The following KLHL1 variants were observed in gnomAD, a reference collection of about 807,000 sequenced individuals.
KLHL1 encodes kelch like family member 1.
In KLHL1, 47 loss-of-function variants were observed where a neutral mutation model predicts 77.7. That is an observed-to-expected ratio of 0.60 (90% CI 0.48 to 0.77). KLHL1 has a LOEUF of 0.77. KLHL1 is among the 30% of genes least tolerant of loss of function. The pLI is 0.00. For missense variants in KLHL1, 925 were observed against 910.8 expected (o/e 1.02, Z -0.20); for synonymous variants, 360 against 325.2 (o/e 1.11, Z -1.15).
Position 69,719,554 on chromosome 13 carries a change from T to G in KLHL1, c.1830A>C (p.Gly610=). ...GKLYSVGGRD[G]SSCLSSMEYY... is the part of the protein sequence containing the mutation. ...ATTCCATTGAACTCAAACAGGAACT[T>G]CCATCACGACCTCCAACTGAATACA... is the stretch of plus-strand genomic sequence containing the variant. The change falls in exon 9 of 11, where the codon GGA becomes GGC. Residue 610 remains glycine, a synonymous_variant. Transcript: ENST00000377844. 6.2e-7 allele frequency: 1 copy of G among 1,613,000 alleles called. No homozygotes were observed. The highest frequency in any genetic ancestry group is 1.1e-5 in the South Asian group (1 of 91,062).
In KLHL1 at chr13:69,707,727, G is replaced by C. The variant is rs377213465; in HGVS notation, c.2085C>G (p.Val695=). The C allele has an allele frequency of 3.1e-6, 5 of 1,612,932 alleles. No homozygotes were observed. The African/African-American group carries it at 6.7e-5, about 22-fold the overall frequency. ...CATATAATCTGTCACCAAGGAGACAGACCCCAACAGCATCTCTGGGCATAC... is the reference window on the plus strand; with the variant it reads ...CATATAATCTGTCACCAAGGAGACACACCCCAACAGCATCTCTGGGCATAC... ...PLSMPRDAVG[V]CLLGDRLYAV... The change falls in exon 10 of 11, where the codon GTC becomes GTG. Residue 695 remains valine (V), a synonymous_variant. Coordinates refer to ENST00000377844, the MANE Select transcript of KLHL1 (RefSeq NM_020866.3).
intron 7 of KLHL1, among the ~76,000 whole-genome samples, chr13:69,783,736 AC>A (rs1194783500): frequency 7.6e-6 from 1 of 130,922 alleles, no homozygotes; most frequent in Non-Finnish European, 1.7e-5. Flanking sequence ...GGACAATGGA[AC>A]CAAGTTGGAA....
chr13:69,993,821 G>C (rs1416662691), intron 1 of KLHL1, among the ~76,000 whole-genome samples: 1 of 152,050 alleles, frequency 6.6e-6, no homozygotes, highest in Non-Finnish European at 1.5e-5. Context: ...TTTCCAATTT[G>C]AGTGTTTGGT....
intron 8 of KLHL1, among the ~76,000 whole-genome samples, chr13:69,725,836 C>G (rs1326785654): frequency 6.6e-6 from 1 of 152,132 alleles, no homozygotes; most frequent in Non-Finnish European, 1.5e-5. Flanking sequence ...GATTGACAAG[C>G]TTTCTCATGG....
chr13:69,740,802 T>A (rs1278035340), intron 7 of KLHL1, among the ~76,000 whole-genome samples: 2 of 152,198 alleles, frequency 1.3e-5, no homozygotes, highest in Non-Finnish European at 2.9e-5. Flanking sequence ...AGAAACTACC[T>A]ACCATTAATT....
intron 6 of KLHL1, among the ~76,000 whole-genome samples, chr13:69,808,697 TC>T (rs956861416): frequency 4.6e-5 from 7 of 152,034 alleles, no homozygotes; most frequent in Admixed American, 4.6e-4. Context: ...TTCAGTAGCT[TC>T]CAAGCAATGG....
chr13:70,020,298 G>C (rs1196558345), intron 1 of KLHL1, among the ~76,000 whole-genome samples: 1 of 152,012 alleles, frequency 6.6e-6, no homozygotes, highest in Non-Finnish European at 1.5e-5. Flanking sequence ...TTTCCAGAAT[G>C]GTTCACTAGC....
intron 4 of KLHL1, among the ~76,000 whole-genome samples, chr13:69,892,714 C>T (rs187806101): frequency 2.6e-5 from 4 of 152,062 alleles, no homozygotes; most frequent in Non-Finnish European, 4.4e-5. Context: ...TTCGGGAAAG[C>T]CTGTTATATG....
At chr13:69,835,968 A>T (rs1878971805) in intron 6 of KLHL1, among the ~76,000 whole-genome samples, 1 of 152,108 alleles carries the variant, frequency 6.6e-6, no homozygotes, top group African/African-American at 2.4e-5. Context: ...GTATCAGACA[A>T]ACTGTTCCCA....
chr13:69,875,502 T>C (rs1329260826), intron 5 of KLHL1, among the ~76,000 whole-genome samples: 2 of 152,166 alleles, frequency 1.3e-5, no homozygotes, highest in African/African-American at 2.4e-5. Flanking sequence ...ACACTTAATA[T>C]ATTGTAACGA....
At chr13:69,834,910 T>C (rs1878924089) in intron 6 of KLHL1, among the ~76,000 whole-genome samples, 1 of 152,140 alleles carries the variant, frequency 6.6e-6, no homozygotes, top group Admixed American at 6.6e-5. Flanking sequence ...TGTTAATGAA[T>C]GGTCATTTAC....
At chr13:69,765,269 T>C (rs1026160442) in intron 7 of KLHL1, among the ~76,000 whole-genome samples, 3 of 152,070 alleles carry the variant, frequency 2.0e-5, no homozygotes, top group African/African-American at 4.8e-5. Flanking sequence ...GCATGTTTTA[T>C]AGTGATGGTA....
chr13:69,836,149 C>A, intron 6 of KLHL1, among the ~76,000 whole-genome samples: 1 of 152,202 alleles, frequency 6.6e-6, no homozygotes, highest in Non-Finnish European at 1.5e-5. Context: ...ATGATTGATT[C>A]ATAAGCAGCT....
At chr13:69,944,784 A>G (rs146856235) in intron 3 of KLHL1, among the ~76,000 whole-genome samples, 4 of 152,134 alleles carry the variant, frequency 2.6e-5, no homozygotes, top group African/African-American at 9.7e-5. Flanking sequence ...CAAAGTGAGA[A>G]TAAGAGCACT....
At chr13:69,753,014 T>G (rs2137951458) in intron 7 of KLHL1, among the ~76,000 whole-genome samples, 1 of 152,242 alleles carries the variant, frequency 6.6e-6, no homozygotes, top group South Asian at 2.1e-4. Flanking sequence ...AACTGGAGAC[T>G]TTGCCTCTAG....
intron 7 of KLHL1, among the ~76,000 whole-genome samples, chr13:69,774,447 A>C (rs1400057863): frequency 1.3e-5 from 2 of 152,016 alleles, no homozygotes; most frequent in Admixed American, 6.6e-5. Flanking sequence ...TCTTTAGTAC[A>C]ATTTGGCAAA....
chr13:69,847,738 C>G (rs1879526472), intron 5 of KLHL1, among the ~76,000 whole-genome samples: 1 of 151,214 alleles, frequency 6.6e-6, no homozygotes, highest in Admixed American at 6.6e-5. Flanking sequence ...GGATCTTGTG[C>G]TAAAAATAAA....
At chr13:69,990,520 C>T (rs1315645446) in intron 1 of KLHL1, among the ~76,000 whole-genome samples, 2 of 151,888 alleles carry the variant, frequency 1.3e-5, no homozygotes, top group Non-Finnish European at 2.9e-5. Context: ...GAGCTGTAAT[C>T]CTAATTTCAA....
chr13:69,829,215 T>C (rs1878665789), intron 6 of KLHL1, among the ~76,000 whole-genome samples: 1 of 149,914 alleles, frequency 6.7e-6, no homozygotes, highest in African/African-American at 2.5e-5. Context: ...ACTCCCCTAC[T>C]ACCTCCGCTG....
Sources: allele counts gnomAD v4.1 joint callset (sites outside exome capture counted in the v4.1 genomes callset), GRCh38; gene constraint gnomAD v4.1.1; transcripts MANE v1.5; gene names NCBI Gene and HGNC (gene_info 2026-07-23, HGNC 2026-07-21).